MOCOS: variants seen among roughly 807,000 people sequenced by gnomAD.
The protein encoded by MOCOS is molybdenum cofactor sulfurase.
Under a neutral mutation model 83.6 loss-of-function variants are expected in MOCOS, and 86 were observed. The observed-to-expected ratio is 1.03, with a 90% CI of 0.86 to 1.23. The LOEUF (loss-of-function observed/expected upper bound fraction) is 1.23, where lower values mean the gene tolerates loss of function less well. MOCOS is among the 50% of genes most tolerant of loss of function. The pLI is 0.00. For synonymous variants in MOCOS, 445 were observed against 434.7 expected (o/e 1.02, Z -0.29); for missense variants, 1,120 against 1,126.9 (o/e 0.99, Z 0.09).
intron 12 of MOCOS, among the ~76,000 whole-genome samples, 154 bp from the exon 13 acceptor site, chr18:36,259,883 C>A (rs2091657144): frequency 6.6e-6 from 1 of 152,196 alleles, no homozygotes; most frequent in East Asian, 1.9e-4. Context: ...CTTGGCCTTG[C>A]ACTCATGGTA....
At chr18:36,258,349 CT>C (rs1306311003) in intron 12 of MOCOS, among the ~76,000 whole-genome samples, 26 of 152,308 alleles carry the variant, frequency 1.7e-4, no homozygotes, top group African/African-American at 4.8e-4. Flanking sequence ...ACCATGATAG[CT>C]TTTGGACATA....
At chr18:36,209,713 C>T (rs925243026) in intron 6 of MOCOS, among the ~76,000 whole-genome samples, 5 of 152,114 alleles carry the variant, frequency 3.3e-5, no homozygotes, top group Non-Finnish European at 7.4e-5. Flanking sequence ...TGTGTATATA[C>T]CACATTTTCT....
intron 13 of MOCOS, among the ~76,000 whole-genome samples, chr18:36,262,250 T>TACACACACACACACACACACACAC (rs71168212): frequency 0.16 from 20,797 of 127,716 alleles, 2,378 homozygotes; most frequent in Admixed American, 0.21. Context: ...CGTCTCTCTC[T>TACACACACACACACACACACACAC]ACACACACAC....
At chr18:36,218,827 C>CTTTATTTTAT (rs1223449727) in intron 8 of MOCOS, among the ~76,000 whole-genome samples, 1 of 144,608 alleles carries the variant, frequency 6.9e-6, no homozygotes, top group Admixed American at 6.9e-5. Flanking sequence ...GCTCTACTCA[C>CTTTATTTTAT]TTTATTTTAT....
At chr18:36,268,504 T>C (rs2091688677) in intron 14 of MOCOS, 29 bp from the exon 15 acceptor site, 1 of 1,614,018 alleles carries the variant, frequency 6.2e-7, no homozygotes, top group Non-Finnish European at 8.5e-7. Context: ...ATCTAGCCTT[T>C]TTTGTTGTTG....
chr18:36,268,752 G>A lies in MOCOS; in HGVS notation c.*67G>A, dbSNP rs987231676. ...TATTATTGTTAAGATCTGCAACTTG[G>A]TTCAGTAGAACTTGATGTTTTGAAT... is the stretch of plus-strand genomic sequence containing the variant. On this transcript the variant is annotated 3_prime_UTR_variant, in exon 15 of 15. Coordinates refer to ENST00000261326, the MANE Select transcript of MOCOS (RefSeq NM_017947.4). The A allele has an allele frequency of 7.4e-7, 1 of 1,345,610 alleles. No homozygotes were observed. The highest frequency in any genetic ancestry group is 1.4e-5 in the African/African-American group (1 of 69,244). The allele number at this position is 1,345,610 out of a possible 1,614,324, so 83.4% of individuals were successfully genotyped here. A position where few individuals can be genotyped will look rare whatever the true frequency, so the allele number is the denominator to read the frequency against.
At chr18:36,211,458 G>T (rs995229556) in intron 6 of MOCOS, among the ~76,000 whole-genome samples, 1 of 152,034 alleles carries the variant, frequency 6.6e-6, no homozygotes, top group African/African-American at 2.4e-5. Flanking sequence ...GATTAAATGA[G>T]ACACAATATA....
chr18:36,263,420 C>T (rs1429468110), intron 13 of MOCOS, among the ~76,000 whole-genome samples: 1 of 152,220 alleles, frequency 6.6e-6, no homozygotes, highest in African/African-American at 2.4e-5. Flanking sequence ...GAATGCCAGG[C>T]CATCCATTGT....
intron 9 of MOCOS, among the ~76,000 whole-genome samples, chr18:36,222,054 G>A (rs147805375): frequency 6.6e-6 from 1 of 152,120 alleles, no homozygotes; most frequent in East Asian, 1.9e-4. Flanking sequence ...ATTGTCTGTT[G>A]TCACATATTG....
chr18:36,248,721 T>C (rs1205167516), intron 9 of MOCOS, among the ~76,000 whole-genome samples: 1 of 152,244 alleles, frequency 6.6e-6, no homozygotes, highest in Non-Finnish European at 1.5e-5. Flanking sequence ...ATGTTTGTTC[T>C]TGACACCTTT....
At chr18:36,230,408 A>G (rs1478053362) in intron 9 of MOCOS, among the ~76,000 whole-genome samples, 3 of 152,160 alleles carry the variant, frequency 2.0e-5, no homozygotes, top group Non-Finnish European at 2.9e-5. Flanking sequence ...TAGACAAAGC[A>G]AGCAACTCTC....
intron 8 of MOCOS, among the ~76,000 whole-genome samples, chr18:36,216,686 T>G (rs2091477128): frequency 6.6e-6 from 1 of 152,226 alleles, no homozygotes; most frequent in Admixed American, 6.5e-5. Flanking sequence ...ATGCTAAATC[T>G]AATGAATGAA....
rs539729373 is a variant in MOCOS, at chr18:36,264,552, G to C, written c.2410-2197G>C. On this transcript the variant is annotated intron_variant, in intron 13 of 14. Coordinates refer to ENST00000261326, the MANE Select transcript of MOCOS (RefSeq NM_017947.4). ...GAGCACGGTCAAGTGCCAGGCCTGG[G>C]CTTGAGTCCTTGTATCCCTGATGTA... Among the ~76,000 whole-genome samples the C allele has an allele frequency of 2.0e-3, 308 of 152,280 alleles. 1 individual carries two copies. Among genetic ancestry groups the C allele is most frequent in the African/African-American group, 7.1e-3 (294 of 41,556 alleles).
intron 1 of MOCOS, chr18:36,189,684 C>G (rs755337977): frequency 6.6e-6 from 1 of 152,122 alleles, no homozygotes; most frequent in Non-Finnish European, 1.5e-5. Flanking sequence ...TCTCTGGAAG[C>G]CTTCGTGCTG....
intron 9 of MOCOS, among the ~76,000 whole-genome samples, chr18:36,238,384 G>T (rs1042127681): frequency 2.1e-4 from 32 of 150,598 alleles, no homozygotes; most frequent in African/African-American, 5.8e-4. Flanking sequence ...CCTTCATTTC[G>T]TTATGTACCC....
At chr18:36,268,291 A>G (rs1035077293) in intron 14 of MOCOS, among the ~76,000 whole-genome samples, 4 of 152,182 alleles carry the variant, frequency 2.6e-5, no homozygotes, top group Non-Finnish European at 5.9e-5. Context: ...GTGCCCAGCA[A>G]GAAAGAGGTG....
At chr18:36,215,047 T>C (rs1371231266) in intron 7 of MOCOS, among the ~76,000 whole-genome samples, 1 of 152,240 alleles carries the variant, frequency 6.6e-6, no homozygotes, top group Admixed American at 6.5e-5. Flanking sequence ...GCAGCATCTC[T>C]GCCTTTCCCT....
intron 9 of MOCOS, among the ~76,000 whole-genome samples, chr18:36,240,239 T>C (rs372648987): frequency 7.9e-6 from 1 of 126,104 alleles, no homozygotes; most frequent in East Asian, 2.1e-4. Context: ...AGTTTTTCTG[T>C]TCTGTTTTTT....
chr18:36,215,434 C>A, intron 7 of MOCOS, 82 bp from the exon 8 acceptor site: 1 of 1,350,478 alleles, frequency 7.4e-7, no homozygotes, highest in Non-Finnish European at 1.0e-6. Context: ...TTAAAATTAA[C>A]AAAATTTATT....
Sources: allele counts gnomAD v4.1 joint callset (sites outside exome capture counted in the v4.1 genomes callset), GRCh38; gene constraint gnomAD v4.1.1; transcripts MANE v1.5; gene names NCBI Gene and HGNC (gene_info 2026-07-23, HGNC 2026-07-21).